The following HDAC9 variants were observed in gnomAD, a reference collection of about 807,000 sequenced individuals.
The protein encoded by HDAC9 is MEF-2 interacting transcription repressor (MITR) protein.
In HDAC9, 41 loss-of-function variants were observed where a neutral mutation model predicts 139.4. That is an observed-to-expected ratio of 0.29 (90% CI 0.23 to 0.38). The LOEUF (loss-of-function observed/expected upper bound fraction) is 0.38, where lower values mean the gene tolerates loss of function less well. HDAC9 is among the 10% of genes least tolerant of loss of function. The pLI is 1.00. For synonymous variants in HDAC9, 517 were observed against 476.2 expected (o/e 1.09, Z -1.12); for missense variants, 1,147 against 1,297.0 (o/e 0.88, Z 1.78).
rs1313624044 is a variant in HDAC9 at position 18,120,233 on chromosome 7, A to ATATCT, written c.-97+33023_-97+33027dup. Among the ~76,000 whole-genome samples, 5 of 152,178 alleles carry ATATCT rather than the reference A, an allele frequency of 3.3e-5. No homozygotes were observed. In the East Asian group the frequency reaches 9.6e-4, roughly 29 times the overall value. On this transcript the variant is annotated intron_variant, in intron 1 of 12. Transcript: ENST00000417496. The stretch of plus-strand genomic sequence containing the variant: ...GGGCAGAGGCCAGGGGTGCTGCTCA[A>ATATCT]TATCTTACATTGCACAGGACAGCCC...
chr7:18,922,078 T>TGG (rs1554402891), intron 22 of HDAC9, among the ~76,000 whole-genome samples: 2 of 49,658 alleles, frequency 4.0e-5, no homozygotes, highest in South Asian at 8.7e-4. Flanking sequence ...GGGCCTGTTG[T>TGG]GGGGTGGGGG....
intron 2 of HDAC9, among the ~76,000 whole-genome samples, chr7:18,272,774 A>T (rs772126063): frequency 9.9e-5 from 15 of 152,144 alleles, no homozygotes; most frequent in Non-Finnish European, 1.9e-4. Context: ...TCTAATCAAG[A>T]CCTTAACAAA....
At chr7:18,097,388 T>G (rs1782577730) in intron 1 of HDAC9, among the ~76,000 whole-genome samples, 1 of 152,108 alleles carries the variant, frequency 6.6e-6, no homozygotes, top group East Asian at 1.9e-4. Context: ...CACCATCTAT[T>G]TTGGTATTTC....
intron 1 of HDAC9, among the ~76,000 whole-genome samples, chr7:18,304,428 T>A (rs889072212): frequency 7.9e-5 from 12 of 152,190 alleles, no homozygotes; most frequent in African/African-American, 2.9e-4. Context: ...TTGGAAAATA[T>A]TAAGCATTCC....
At chr7:18,186,604 G>T (rs988751577) in intron 2 of HDAC9, among the ~76,000 whole-genome samples, 5 of 152,218 alleles carry the variant, frequency 3.3e-5, no homozygotes, top group Admixed American at 2.0e-4. Context: ...GGAATGTCAG[G>T]AGTGGGAAGC....
chr7:18,417,624 G>A (rs1789206425), intron 1 of HDAC9, among the ~76,000 whole-genome samples: 1 of 152,098 alleles, frequency 6.6e-6, no homozygotes, highest in Non-Finnish European at 1.5e-5. Flanking sequence ...GCAGTGTTTA[G>A]TTTTTGACTA....
chr7:18,960,911 A>G (rs145115275), intron 24 of HDAC9, among the ~76,000 whole-genome samples: 7 of 152,168 alleles, frequency 4.6e-5, no homozygotes, highest in Non-Finnish European at 7.4e-5. Flanking sequence ...AAGTTATCCA[A>G]TGTTTTGACC....
At chr7:18,408,760 C>T (rs921498387) in intron 1 of HDAC9, among the ~76,000 whole-genome samples, 1 of 152,084 alleles carries the variant, frequency 6.6e-6, no homozygotes, top group African/African-American at 2.4e-5. Flanking sequence ...GTTGTGGGTC[C>T]TATGGTTGAG....
chr7:18,861,104 T>C (rs1176939306), intron 21 of HDAC9, among the ~76,000 whole-genome samples: 1 of 152,208 alleles, frequency 6.6e-6, no homozygotes, highest in Non-Finnish European at 1.5e-5. Context: ...AAATATTTCT[T>C]GAGAACCACT....
chr7:18,377,692 G>T (rs968036911), intron 1 of HDAC9, among the ~76,000 whole-genome samples: 2 of 152,012 alleles, frequency 1.3e-5, no homozygotes, highest in African/African-American at 2.4e-5. Context: ...CAGTAAATTG[G>T]GTGGACTATG....
intron 2 of HDAC9, among the ~76,000 whole-genome samples, chr7:18,164,340 A>G (rs1787856017): frequency 6.6e-6 from 1 of 152,208 alleles, no homozygotes; most frequent in South Asian, 2.1e-4. Flanking sequence ...CCTGCATCTT[A>G]GGGTGCCGTA....
intron 22 of HDAC9, among the ~76,000 whole-genome samples, chr7:18,884,941 T>C (rs1421137125): frequency 2.0e-5 from 3 of 152,218 alleles, no homozygotes; most frequent in African/African-American, 7.2e-5. Flanking sequence ...CAGTTAAAAC[T>C]GGCAGAAAGG....
intron 17 of HDAC9, among the ~76,000 whole-genome samples, chr7:18,827,383 A>G (rs1795530964): frequency 6.6e-6 from 1 of 152,142 alleles, no homozygotes; most frequent in Non-Finnish European, 1.5e-5. Flanking sequence ...ACTAAATCAG[A>G]AGATAAGTAT....
At chr7:18,965,981 A>ACATCTCAT (rs1425018395) in intron 24 of HDAC9, among the ~76,000 whole-genome samples, 1 of 152,208 alleles carries the variant, frequency 6.6e-6, no homozygotes, top group Non-Finnish European at 1.5e-5. Context: ...TGTTGTCTCA[A>ACATCTCAT]CATCTCATCC....
At chr7:18,694,531 A>T (rs1318709070) in intron 12 of HDAC9, among the ~76,000 whole-genome samples, 3 of 152,210 alleles carry the variant, frequency 2.0e-5, no homozygotes, top group Admixed American at 6.5e-5. Context: ...AGCCTATTAG[A>T]TAACTGACGC....
At chr7:18,408,276 TC>T (rs1248532290) in intron 1 of HDAC9, among the ~76,000 whole-genome samples, 6 of 152,130 alleles carry the variant, frequency 3.9e-5, no homozygotes, top group African/African-American at 1.4e-4. Context: ...AATTATTGTT[TC>T]TACAATACAT....
At chr7:18,597,650 G>A (rs1378315365) in intron 6 of HDAC9, among the ~76,000 whole-genome samples, 1 of 152,104 alleles carries the variant, frequency 6.6e-6, no homozygotes, top group African/African-American at 2.4e-5. Context: ...CAGTGAGTGT[G>A]TGCATATGTT....
intron 1 of HDAC9, among the ~76,000 whole-genome samples, chr7:18,412,972 G>A (rs1057279103): frequency 2.6e-5 from 4 of 152,092 alleles, no homozygotes; most frequent in African/African-American, 9.7e-5. Context: ...AGAAACAAGT[G>A]CCAGTCAAGG....
chr7:18,786,982 C>T (rs1345207737), intron 16 of HDAC9, among the ~76,000 whole-genome samples: 2 of 151,972 alleles, frequency 1.3e-5, no homozygotes, highest in African/African-American at 2.4e-5. Context: ...AGAAAATGTG[C>T]TTCCTTCCCT....
Sources: gnomAD v4.1 joint callset for allele counts (sites outside exome capture counted in the v4.1 genomes callset) on GRCh38, gnomAD v4.1.1 for gene constraint, MANE v1.5 for transcripts, NCBI Gene and HGNC (gene_info 2026-07-23, HGNC 2026-07-21) for gene names.